NYAP2: variants seen among roughly 807,000 people sequenced by gnomAD.
NYAP2 encodes the protein neuronal tyrosine-phosphorylated phosphoinositide-3-kinase adapter 2.
A neutral mutation model predicts 50.4 loss-of-function variants in NYAP2; 23 were observed. The observed-to-expected ratio is 0.46, with a 90% CI of 0.33 to 0.65. NYAP2 has a LOEUF of 0.65. Among genes scored for constraint, NYAP2 ranks in the 30% least tolerant of loss-of-function variants. The probability of loss-of-function intolerance (pLI) is 0.02; values close to 1 mark genes in which losing one functional copy is unlikely to be tolerated. For missense variants in NYAP2, 885 were observed against 861.0 expected, an observed-to-expected ratio of 1.03 and a Z score of -0.35; for synonymous variants, 394 against 365.2, an observed-to-expected ratio of 1.08 and a Z score of -0.90.
chr2:225,451,234 C>T (rs1689645090), intron 3 of NYAP2, among the ~76,000 whole-genome samples: 1 of 152,092 alleles, frequency 6.6e-6, no homozygotes, highest in Non-Finnish European at 1.5e-5. Context: ...ACCAGGAAGG[C>T]AAGAAACTAC....
At chr2:225,401,734 A>G (rs1180651335) in intron 2 of NYAP2, among the ~76,000 whole-genome samples, 4 of 151,380 alleles carry the variant, frequency 2.6e-5, no homozygotes, top group Non-Finnish European at 5.9e-5. Context: ...TTTTAAATAC[A>G]AGACATGTGA....
At chr2:225,536,005 C>A (rs1442764654) in intron 4 of NYAP2, among the ~76,000 whole-genome samples, 3 of 152,084 alleles carry the variant, frequency 2.0e-5, no homozygotes, top group African/African-American at 7.2e-5. Flanking sequence ...TTTTTTCTTG[C>A]AATTCAAAAG....
chr2:225,634,833 A>G (rs2106262253), intron 6 of NYAP2, among the ~76,000 whole-genome samples: 1 of 152,304 alleles, frequency 6.6e-6, no homozygotes, highest in Middle Eastern at 3.4e-3. Flanking sequence ...AGACCTTGAG[A>G]GGTTATTCAA....
chr2:225,463,384 GT>G (rs1689865134), intron 3 of NYAP2, among the ~76,000 whole-genome samples: 2 of 152,216 alleles, frequency 1.3e-5, no homozygotes, highest in Admixed American at 6.5e-5. Context: ...TCAATCATGT[GT>G]TTTCTCGTAT....
intron 6 of NYAP2, among the ~76,000 whole-genome samples, chr2:225,647,149 G>GAA (rs563110485): frequency 6.7e-6 from 1 of 148,796 alleles, no homozygotes; most frequent in Non-Finnish European, 1.5e-5. Context: ...CCTTTTCTAG[G>GAA]AAAAAAAAAA....
At position 225,582,623 on chromosome 2, in the gene NYAP2, A is replaced by G. The variant is rs1574691990; in HGVS notation, c.1206A>G (p.Gly402=). The change falls in exon 5 of 7, where the codon GGA becomes GGG. Residue 402 remains glycine (G), a synonymous_variant. Transcript: ENST00000636099. The surrounding 1 kb of genome is among the most constrained non-coding windows in gnomAD (Gnocchi z 7.0). The stretch of plus-strand genomic sequence containing the variant: ...AGAAAGAGCAGGCCGCGGCCCTGGG[A>G]CCTGCCTCTGCCACCCCTGCGCTCT... The G allele has an allele frequency of 6.3e-7, 1 of 1,592,012 alleles. No homozygotes were observed. Among genetic ancestry groups the G allele is most frequent in the Non-Finnish European group, 8.5e-7 (1 of 1,170,514 alleles).
intron 3 of NYAP2, among the ~76,000 whole-genome samples, chr2:225,448,730 A>G (rs965672922): frequency 1.3e-5 from 2 of 152,188 alleles, no homozygotes; most frequent in African/African-American, 2.4e-5. Flanking sequence ...TACTATTTAG[A>G]AGCACTGAAC....
At chr2:225,571,528 G>A (rs979260985) in intron 4 of NYAP2, among the ~76,000 whole-genome samples, 3 of 152,222 alleles carry the variant, frequency 2.0e-5, no homozygotes, top group African/African-American at 4.8e-5. Flanking sequence ...CCTAAGTTTA[G>A]GACTTGCATC....
intron 3 of NYAP2, among the ~76,000 whole-genome samples, chr2:225,465,638 C>T (rs553941653): frequency 1.3e-5 from 2 of 152,212 alleles, no homozygotes; most frequent in East Asian, 3.9e-4. Context: ...ATCGAGTGAA[C>T]CCGGGAGGCA....
chr2:225,491,717 A>T (rs1322915788), intron 3 of NYAP2, among the ~76,000 whole-genome samples: 2 of 152,182 alleles, frequency 1.3e-5, no homozygotes, highest in African/African-American at 4.8e-5. Context: ...GTCATGAGAG[A>T]TGCTAACAGC....
At chr2:225,638,188 G>A (rs1003593688) in intron 6 of NYAP2, among the ~76,000 whole-genome samples, 10 of 150,260 alleles carry the variant, frequency 6.7e-5, no homozygotes, top group Non-Finnish European at 1.5e-4. Flanking sequence ...GTGTGTGTGT[G>A]TGTGGTGTGG....
At chr2:225,401,091 G>A (rs529369403) in intron 2 of NYAP2, 48 bp downstream of exon 2, 1 of 152,584 alleles carries the variant, frequency 6.6e-6, no homozygotes, top group Non-Finnish European at 1.5e-5. Flanking sequence ...ATCGAATCCA[G>A]CACTGAATAG....
chr2:225,554,842 GATGATAGAT>G (rs1461692782), intron 4 of NYAP2, among the ~76,000 whole-genome samples: 1 of 152,020 alleles, frequency 6.6e-6, no homozygotes, highest in African/African-American at 2.4e-5. Flanking sequence ...AACAATGTGA[GATGATAGAT>G]ATGTTAGTTT....
the NYAP2 span, among the ~76,000 whole-genome samples, chr2:225,662,003 C>T: frequency 8.5e-5 from 13 of 152,140 alleles, no homozygotes; most frequent in African/African-American, 2.9e-4. Context: ...GAATTACAGG[C>T]GTGAGCCACT....
intron 5 of NYAP2, among the ~76,000 whole-genome samples, chr2:225,591,309 C>T (rs1692498544): frequency 6.6e-6 from 1 of 152,122 alleles, no homozygotes; most frequent in Admixed American, 6.5e-5. Flanking sequence ...GCGTTGATGA[C>T]TGGGCCAAGG....
intron 3 of NYAP2, among the ~76,000 whole-genome samples, chr2:225,486,021 C>T (rs1690292651): frequency 6.6e-6 from 1 of 152,104 alleles, no homozygotes; most frequent in Admixed American, 6.5e-5. Flanking sequence ...AAAACTGCCC[C>T]CACTTCTCTC....
chr2:225,471,721 A>G (rs946214868), intron 3 of NYAP2, among the ~76,000 whole-genome samples: 1 of 152,342 alleles, frequency 6.6e-6, no homozygotes, highest in Admixed American at 6.5e-5. Context: ...AATATGTGTT[A>G]TCACATTTAC....
At chr2:225,681,748 G>T in the NYAP2 span, among the ~76,000 whole-genome samples, 1 of 152,166 alleles carries the variant, frequency 6.6e-6, no homozygotes, top group African/African-American at 2.4e-5. Flanking sequence ...CTTAAAAGTG[G>T]TGGTTTTGGA....
intron 3 of NYAP2, among the ~76,000 whole-genome samples, chr2:225,506,388 C>T (rs1690707667): frequency 6.6e-6 from 1 of 152,178 alleles, no homozygotes; most frequent in Non-Finnish European, 1.5e-5. Flanking sequence ...TGCCAAAAGT[C>T]AAAGCAGATG....
Sources: allele counts gnomAD v4.1 joint callset (sites outside exome capture counted in the v4.1 genomes callset), GRCh38; gene constraint gnomAD v4.1.1; non-coding constraint Gnocchi (gnomAD v3.1); transcripts MANE v1.5; gene names NCBI Gene and HGNC (gene_info 2026-07-23, HGNC 2026-07-21).